Variants in TSHZ1 observed in about 807,000 individuals in gnomAD.
TSHZ1 encodes teashirt zinc finger homeobox 1.
A neutral mutation model predicts 67.1 loss-of-function variants in TSHZ1; 12 were observed. The observed-to-expected ratio is 0.18, with a 90% CI of 0.11 to 0.29. The LOEUF (loss-of-function observed/expected upper bound fraction) is 0.29. TSHZ1 is among the 10% of genes least tolerant of loss of function. The pLI, the probability that TSHZ1 is intolerant of heterozygous loss-of-function variation, is 1.00. For missense variants in TSHZ1, 1,305 were observed against 1,413.9 expected, an observed-to-expected ratio of 0.92 and a Z score of 1.23; for synonymous variants, 632 against 622.4, an observed-to-expected ratio of 1.02 and a Z score of -0.23.
intron 1 of TSHZ1, chr18:75,280,774 C>T: frequency 1.0e-6 from 1 of 985,414 alleles, no homozygotes; most frequent in Non-Finnish European, 1.2e-6. Flanking sequence ...GCCGTGTGAG[C>T]TGAGTGAAAG....
At chr18:75,261,515 C>T (rs1568362994) in intron 1 of TSHZ1, among the ~76,000 whole-genome samples, 2 of 152,228 alleles carry the variant, frequency 1.3e-5, no homozygotes, top group Non-Finnish European at 2.9e-5. Flanking sequence ...TCCCTCAGCA[C>T]AGCCACAGAG....
intron 1 of TSHZ1, chr18:75,283,334 G>C (rs2023709765): frequency 6.6e-6 from 1 of 152,292 alleles, no homozygotes; most frequent in Non-Finnish European, 1.5e-5. Context: ...TCCTAGCAGT[G>C]AACCCTCAGA....
In TSHZ1 at chr18:75,287,513, C is replaced by A. The variant is rs1568371324; in HGVS notation, c.2106C>A (p.Ala702=). The A allele has an allele frequency of 1.2e-6, 2 of 1,614,194 alleles. No individual in the cohort carries two copies. The highest frequency in any genetic ancestry group is 1.7e-6 in the Non-Finnish European group (2 of 1,180,044). The change falls in exon 2 of 2, where the codon GCC becomes GCA. Residue 702 remains alanine, a synonymous_variant. Transcript: ENST00000580243. The surrounding 1 kb of genome is among the most constrained non-coding windows in gnomAD (Gnocchi z 5.0). ...KKGPEAETGK[A]KKEGPLDVHT... ...GCCCTGAGGCCGAGACTGGGAAGGC[C>A]AAAAAGGAGGGACCGCTGGACGTTC...
At chr18:75,236,757 C>T (rs1222217310) in intron 1 of TSHZ1, among the ~76,000 whole-genome samples, 1 of 152,126 alleles carries the variant, frequency 6.6e-6, no homozygotes, top group South Asian at 2.1e-4. Context: ...ACTCCACTTG[C>T]ATTATATAAT....
At chr18:75,253,552 G>A (rs116679176) in intron 1 of TSHZ1, among the ~76,000 whole-genome samples, 1 of 152,226 alleles carries the variant, frequency 6.6e-6, no homozygotes, top group Non-Finnish European at 1.5e-5. Context: ...TTTTACTTGG[G>A]TAGTGTAGAA....
chr18:75,252,671 ATCTGTTTT>A (rs1166205115), intron 1 of TSHZ1, among the ~76,000 whole-genome samples: 1 of 152,114 alleles, frequency 6.6e-6, no homozygotes, highest in Non-Finnish European at 1.5e-5. Flanking sequence ...TTATTTAAAA[ATCTGTTTT>A]TCCTAATTGG....
intron 1 of TSHZ1, among the ~76,000 whole-genome samples, chr18:75,259,637 T>C (rs1258011431): frequency 6.6e-6 from 1 of 152,194 alleles, no homozygotes; most frequent in African/African-American, 2.4e-5. Flanking sequence ...TTACAGTACA[T>C]AGTTATGATT....
intron 1 of TSHZ1, chr18:75,282,856 C>G (rs2023703095): frequency 6.6e-6 from 1 of 152,394 alleles, no homozygotes; most frequent in Admixed American, 6.5e-5. Context: ...GTGGGGTGGG[C>G]CATGGGAGGG....
At chr18:75,238,878 G>A (rs2023117490) in intron 1 of TSHZ1, among the ~76,000 whole-genome samples, 1 of 152,260 alleles carries the variant, frequency 6.6e-6, no homozygotes, top group Non-Finnish European at 1.5e-5. Context: ...GGCTGCACAG[G>A]AAGGTAATTC....
intron 1 of TSHZ1, among the ~76,000 whole-genome samples, chr18:75,265,192 A>G (rs965041204): frequency 1.3e-5 from 2 of 152,200 alleles, no homozygotes; most frequent in African/African-American, 4.8e-5. Flanking sequence ...AAGAAAAAAG[A>G]CTTTTAAGAG....
chr18:75,247,823 T>A (rs574888124), intron 1 of TSHZ1, among the ~76,000 whole-genome samples: 14 of 152,122 alleles, frequency 9.2e-5, no homozygotes, highest in Admixed American at 3.3e-4. Context: ...TATCATTAAA[T>A]ATACTTGTTG....
At chr18:75,213,925 A>AG (rs2022732589) in intron 1 of TSHZ1, among the ~76,000 whole-genome samples, 1 of 152,206 alleles carries the variant, frequency 6.6e-6, no homozygotes, top group African/African-American at 2.4e-5. Flanking sequence ...GGAACTTGAG[A>AG]GGGAAAAAAC....
At chr18:75,269,878 G>A (rs1011587594) in intron 1 of TSHZ1, among the ~76,000 whole-genome samples, 6 of 152,140 alleles carry the variant, frequency 3.9e-5, no homozygotes, top group Admixed American at 2.0e-4. Flanking sequence ...CTGAGTCGAC[G>A]TGGCTGGAAA....
In TSHZ1 at chr18:75,211,806, C is replaced by T. The variant is rs1394990988; in HGVS notation, c.-71C>T. 2.9e-6 allele frequency: 3 copies of T among 1,017,828 alleles called. No individual in the cohort carries two copies. The highest frequency in any genetic ancestry group is 2.4e-6 in the Non-Finnish European group (2 of 848,008). 63.0% of individuals were successfully genotyped at this position (1,017,828 alleles called of 1,614,324 possible). On this transcript the variant is annotated 5_prime_UTR_variant, in exon 1 of 2. Coordinates refer to ENST00000580243, the MANE Select transcript of TSHZ1 (RefSeq NM_001308210.2). ...CGCGCCGCGGAGTTGCGCCCGCGCC[C>T]GGGGCCCCGCGTCCCCGCGCCCCGC...
rs2023770250 is a variant in TSHZ1, at chr18:75,286,645, C to T, written c.1238C>T (p.Ala413Val). The change falls in exon 2 of 2, where the codon GCG becomes GTG. Residue 413 changes from alanine to valine, a missense_variant. By Grantham distance (64) the Ala-to-Val change is moderately conservative (BLOSUM62 0). Transcript: ENST00000580243. The surrounding 1 kb of genome is among the most constrained non-coding windows in gnomAD (Gnocchi z 5.1). ...ACCTGGCAGTTTGAGGCCCGCAAGG[C>T]GCAGATCCTCAAGTGCATGGAGTGT... is the stretch of plus-strand genomic sequence containing the variant. ...SYTWQFEARK[A>V]QILKCMECGS... 1.9e-6 allele frequency: 3 copies of T among 1,614,112 alleles called. No individual in the cohort carries two copies. The highest frequency in any genetic ancestry group is 2.5e-6 in the Non-Finnish European group (3 of 1,180,056).
chr18:75,216,990 C>A (rs141170436), intron 1 of TSHZ1, among the ~76,000 whole-genome samples: 4 of 152,340 alleles, frequency 2.6e-5, no homozygotes, highest in African/African-American at 9.6e-5. Flanking sequence ...GCCGCCTGAT[C>A]ATGTATAGTA....
Position 75,285,554 on chromosome 18 carries a change from A to G in TSHZ1, c.147A>G (p.Glu49=), listed in dbSNP as rs1007763219. 2 of 1,586,492 alleles carry G rather than the reference A, an allele frequency of 1.3e-6. No individual in the cohort carries two copies. The highest frequency in any genetic ancestry group is 1.3e-5 in the African/African-American group (1 of 74,412). The change falls in exon 2 of 2, where the codon GAA becomes GAG. Residue 49 remains glutamate (E), a synonymous_variant. Transcript: ENST00000580243. The part of the protein sequence containing the change: ...DIQESEYMCN[E]ETEIKEAQSY... Reference sequence around the variant, plus strand: ...AGGAAAGTGAGTACATGTGCAATGAAGAGACGGAGATCAAAGAGGCGCAGA... The same window carrying G: ...AGGAAAGTGAGTACATGTGCAATGAGGAGACGGAGATCAAAGAGGCGCAGA...
At chr18:75,250,608 G>A (rs370609090) in intron 1 of TSHZ1, among the ~76,000 whole-genome samples, 3 of 152,240 alleles carry the variant, frequency 2.0e-5, no homozygotes, top group Non-Finnish European at 2.9e-5. Flanking sequence ...ACCTGCATGA[G>A]GTCCCCGCTT....
chr18:75,266,830 A>G (rs1213804140), intron 1 of TSHZ1, among the ~76,000 whole-genome samples: 1 of 152,216 alleles, frequency 6.6e-6, no homozygotes, highest in East Asian at 1.9e-4. Flanking sequence ...CGCCCCTGGC[A>G]GTATTGACAT....
Sources: gnomAD v4.1 joint callset for allele counts (sites outside exome capture counted in the v4.1 genomes callset) on GRCh38, gnomAD v4.1.1 for gene constraint, Gnocchi (gnomAD v3.1) non-coding constraint, MANE v1.5 for transcripts, NCBI Gene and HGNC (gene_info 2026-07-23, HGNC 2026-07-21) for gene names.